PITPNM2: variants seen among roughly 807,000 people sequenced by gnomAD.
The protein encoded by PITPNM2 is membrane-associated phosphatidylinositol transfer protein 2.
Under a neutral mutation model 132.2 loss-of-function variants are expected in PITPNM2, and 35 were observed. That is an observed-to-expected ratio of 0.26 (90% CI 0.20 to 0.35). The LOEUF (loss-of-function observed/expected upper bound fraction) is 0.35. Among genes scored for constraint, PITPNM2 ranks in the 10% least tolerant of loss-of-function variants. The pLI is 1.00. For missense variants in PITPNM2, 1,332 were observed against 1,912.0 expected, an observed-to-expected ratio of 0.70 and a Z score of 5.66; for synonymous variants, 738 against 799.2, an observed-to-expected ratio of 0.92 and a Z score of 1.29.
chr12:123,134,637 G>C (rs542935019), intron 1 of PITPNM2, among the ~76,000 whole-genome samples: 1 of 150,832 alleles, frequency 6.6e-6, no homozygotes, highest in South Asian at 2.1e-4. Context: ...CACTTACAAG[G>C]GAAAAAAAAA....
rs2136190826 is a variant in PITPNM2, at chr12:123,004,595, T to C, written c.953-106A>G. The C allele has an allele frequency of 9.9e-7, 1 of 1,015,062 alleles. No homozygotes were observed. The highest frequency in any genetic ancestry group is 2.0e-4 in the Middle Eastern group (1 of 4,912). 62.9% of individuals were successfully genotyped at this position (1,015,062 alleles called of 1,614,324 possible). On this transcript the variant is annotated intron_variant, in intron 7 of 25. Coordinates refer to ENST00000320201, the MANE Select transcript of PITPNM2 (RefSeq NM_020845.3). The surrounding 1 kb of genome is among the most constrained non-coding windows in gnomAD (Gnocchi z 4.9). ...GGGCCACCCACAGGCCTGACAGGCA[T>C]CACAGAGGCTGCCACAGGAGCCAGG...
chr12:123,079,953 A>C (rs919863835), intron 2 of PITPNM2, among the ~76,000 whole-genome samples: 1 of 152,074 alleles, frequency 6.6e-6, no homozygotes, highest in South Asian at 2.1e-4. Context: ...CCTGTCAACA[A>C]CCAATCTACT....
chr12:123,001,991 G>A (rs531531158), intron 8 of PITPNM2, among the ~76,000 whole-genome samples: 6 of 148,966 alleles, frequency 4.0e-5, no homozygotes, highest in African/African-American at 1.2e-4. Context: ...AGATGGTGCC[G>A]TTGCACTCCA....
chr12:123,017,208 TA>T (rs1230950248), intron 3 of PITPNM2, among the ~76,000 whole-genome samples: 1 of 151,138 alleles, frequency 6.6e-6, no homozygotes, highest in African/African-American at 2.4e-5. Context: ...CCGTCTCTAC[TA>T]AAAAAATACA....
rs568900484 is a variant in PITPNM2 at position 123,023,645 on chromosome 12, G to A, written c.79-9603C>T. Among the ~76,000 whole-genome samples, 19 of 152,230 alleles carry A rather than the reference G, an allele frequency of 1.2e-4. No homozygotes were observed. The highest frequency in any genetic ancestry group is 3.1e-4 in the African/African-American group (13 of 41,536). Reference sequence around the variant, plus strand: ...GCTGCCAACAGCTCATTAAAAACACGTTCTCCTAAATGTAAGGGCTCAAAC... The same window carrying A: ...GCTGCCAACAGCTCATTAAAAACACATTCTCCTAAATGTAAGGGCTCAAAC... On this transcript the variant is annotated intron_variant, in intron 3 of 25. Coordinates refer to ENST00000320201, the MANE Select transcript of PITPNM2 (RefSeq NM_020845.3). The surrounding 1 kb of genome is among the most constrained non-coding windows in gnomAD (Gnocchi z 4.8).
At chr12:123,034,452 G>C in intron 3 of PITPNM2, 61 bp downstream of exon 3, 1 of 1,486,878 alleles carries the variant, frequency 6.7e-7, no homozygotes, top group Non-Finnish European at 9.4e-7. Flanking sequence ...CCCACATGTG[G>C]TGTCTGTGCG....
chr12:123,075,685 T>C (rs1008801366), intron 2 of PITPNM2: 1 of 152,196 alleles, frequency 6.6e-6, no homozygotes, highest in African/African-American at 2.4e-5. Flanking sequence ...TCCAAGCTGC[T>C]CTCACGCCCC....
At chr12:123,141,442 T>C (rs2043503623) in intron 1 of PITPNM2, among the ~76,000 whole-genome samples, 1 of 152,136 alleles carries the variant, frequency 6.6e-6, no homozygotes, top group Non-Finnish European at 1.5e-5. Context: ...ACCATGCCAC[T>C]GGGCCTGGCA....
intron 3 of PITPNM2, among the ~76,000 whole-genome samples, chr12:123,032,101 G>A (rs2040113458): frequency 6.6e-6 from 1 of 152,244 alleles, no homozygotes. Flanking sequence ...CTGCACAGCT[G>A]CAGGAAGGTC....
At chr12:123,085,987 C>T (rs142068359) in intron 2 of PITPNM2, among the ~76,000 whole-genome samples, 2,190 of 152,376 alleles carry the variant, frequency 0.014, 26 homozygotes, top group Middle Eastern at 0.034. Flanking sequence ...CTGTGGACAC[C>T]TCCCTGGAAG....
intron 1 of PITPNM2, among the ~76,000 whole-genome samples, chr12:123,126,203 C>T (rs1430767814): frequency 6.6e-6 from 1 of 152,056 alleles, no homozygotes; most frequent in East Asian, 1.9e-4. Flanking sequence ...ACCCTCATAT[C>T]CCTAAAGAAT....
At chr12:123,071,203 C>T (rs537250563) in intron 2 of PITPNM2, among the ~76,000 whole-genome samples, 3 of 152,280 alleles carry the variant, frequency 2.0e-5, no homozygotes, top group East Asian at 1.9e-4. Context: ...ACAGGCATGC[C>T]GGCTCTTCTC....
At chr12:123,091,021 G>A (rs914197756) in intron 2 of PITPNM2, 1 of 152,286 alleles carries the variant, frequency 6.6e-6, no homozygotes, top group African/African-American at 2.4e-5. Context: ...ATAGTTGCAG[G>A]AATCCAGGAG....
intron 4 of PITPNM2, among the ~76,000 whole-genome samples, chr12:123,013,256 C>A (rs1178610221): frequency 3.3e-5 from 5 of 152,236 alleles, no homozygotes; most frequent in African/African-American, 9.6e-5. Flanking sequence ...TTTGTGGGGA[C>A]CCCACCTGCT....
At chr12:123,096,003 T>C (rs2042401134) in intron 2 of PITPNM2, among the ~76,000 whole-genome samples, 1 of 152,214 alleles carries the variant, frequency 6.6e-6, no homozygotes, top group Non-Finnish European at 1.5e-5. Context: ...GGGGCTGGAA[T>C]TGATTCACTT....
chr12:122,989,986 G>T, intron 17 of PITPNM2, 38 bp from the exon 18 acceptor site: 1 of 1,295,592 alleles, frequency 7.7e-7, no homozygotes. Context: ...AGCCACGCGG[G>T]GATGACCGCA....
At chr12:123,037,091 T>C (rs1011273842) in intron 2 of PITPNM2, among the ~76,000 whole-genome samples, 1 of 152,174 alleles carries the variant, frequency 6.6e-6, no homozygotes, top group African/African-American at 2.4e-5. Flanking sequence ...GGCTGGAAGC[T>C]GAGGACACAG....
intron 2 of PITPNM2, chr12:123,105,492 A>C (rs1371424969): frequency 6.6e-6 from 1 of 152,152 alleles, no homozygotes; most frequent in Non-Finnish European, 1.5e-5. Context: ...AGCTCTGTAC[A>C]CTGTCTCCAG....
Position 122,987,854 on chromosome 12 carries a change from G to A in PITPNM2, c.3045C>T (p.Asp1015=), listed in dbSNP as rs895789806. Residue 1015 remains aspartate (D), a synonymous_variant, in exon 21 of 26, where the codon GAC becomes GAT. Transcript: ENST00000320201. Reference sequence around the variant, plus strand: ...ACCTGCCCGTCAGAACCTGGGGGCCGTCCTCATTGGCAAGGGCATCATTGA... The same window carrying A: ...ACCTGCCCGTCAGAACCTGGGGGCCATCCTCATTGGCAAGGGCATCATTGA... ...HRINDALANE[D]GPQVLTGRFM... 3.1e-6 allele frequency: 5 copies of A among 1,613,678 alleles called. No homozygotes were observed. Among genetic ancestry groups the A allele is most frequent in the South Asian group, 1.1e-5 (1 of 91,034 alleles).
Sources: gnomAD v4.1 joint callset for allele counts (sites outside exome capture counted in the v4.1 genomes callset) on GRCh38, gnomAD v4.1.1 for gene constraint, Gnocchi (gnomAD v3.1) non-coding constraint, MANE v1.5 for transcripts, NCBI Gene and HGNC (gene_info 2026-07-23, HGNC 2026-07-21) for gene names.